Variants in SZT2 observed in about 807,000 individuals in gnomAD.
The protein encoded by SZT2 is KICSTOR complex protein SZT2.
In SZT2, 216 loss-of-function variants were observed where a neutral mutation model predicts 404.2. That is an observed-to-expected ratio of 0.53 (90% CI 0.48 to 0.60). The LOEUF is 0.60. Ranked by LOEUF, SZT2 falls within the 20% of genes least tolerant of loss-of-function variation. The pLI is 0.00. For missense variants in SZT2, 3,857 were observed against 4,459.2 expected, an observed-to-expected ratio of 0.86 and a Z score of 3.85; for synonymous variants, 1,693 against 1,749.9, an observed-to-expected ratio of 0.97 and a Z score of 0.81.
At chr1:43,398,497 T>C (rs932733205) in intron 1 of SZT2, among the ~76,000 whole-genome samples, 2 of 152,180 alleles carry the variant, frequency 1.3e-5, no homozygotes, top group Admixed American at 6.5e-5. Context: ...TTGTACATGC[T>C]TTTTTAGATA....
Position 43,425,685 on chromosome 1 carries a change from TG to T in SZT2, c.2814+47del, listed in dbSNP as rs1188160048. On this transcript the variant is annotated intron_variant, in intron 19 of 71. Coordinates refer to ENST00000634258, the MANE Select transcript of SZT2 (RefSeq NM_001365999.1). The surrounding 1 kb of genome is among the most constrained non-coding windows in gnomAD (Gnocchi z 4.3). ...AGTACCCGCACCTCTCTCACTGGAT[TG>T]GGGTGCCATCTCTTTTGGAGTACTG... is the stretch of plus-strand genomic sequence containing the variant. 2 of 1,608,110 alleles carry T rather than the reference TG, an allele frequency of 1.2e-6. No homozygotes were observed. Among genetic ancestry groups the T allele is most frequent in the South Asian group, 2.2e-5 (2 of 90,862 alleles).
intron 42 of SZT2, 90 bp downstream of exon 42, chr1:43,435,419 C>G: frequency 6.8e-7 from 1 of 1,466,970 alleles, no homozygotes; most frequent in Non-Finnish European, 9.2e-7. Flanking sequence ...GGGCAGAGTC[C>G]TCATTACTTG....
In SZT2 at chr1:43,438,966, T is replaced by C. The variant is rs1570702012; in HGVS notation, c.6665T>C (p.Leu2222Pro). Residue 2222 changes from leucine to proline, a missense_variant, in exon 48 of 72, where the codon CTG becomes CCG. Around this residue, in one of 7 missense-constraint regions of SZT2, gnomAD observed 261 missense variants for 372.9 expected, o/e 0.70. Coordinates refer to ENST00000634258, the MANE Select transcript of SZT2 (RefSeq NM_001365999.1). ...CCTGGAAGTCTCCCCTCAGAGGTGC[T>C]GCATCTGGCCCTACCCACCTCCTGC... ...QPPGSLPSEV[L>P]HLALPTSCRP... The C allele has an allele frequency of 6.2e-7, 1 of 1,614,112 alleles. No individual in the cohort carries two copies. Among genetic ancestry groups the C allele is most frequent in the African/African-American group, 1.3e-5 (1 of 74,932 alleles).
Position 43,451,680 on chromosome 1 carries a change from G to C in SZT2, c.*1200G>C, listed in dbSNP as rs756553934. On this transcript the variant is annotated 3_prime_UTR_variant, in exon 72 of 72. Transcript: ENST00000634258. Reference sequence around the variant, plus strand: ...GGGCAGGAACTCCCGGATGTTTCCTGTCAGGTTCCCATCCATGATCTGCCA... The same window carrying C: ...GGGCAGGAACTCCCGGATGTTTCCTCTCAGGTTCCCATCCATGATCTGCCA... 4.3e-6 allele frequency: 7 copies of C among 1,614,074 alleles called. No individual in the cohort carries two copies. Among genetic ancestry groups the C allele is most frequent in the South Asian group, 3.3e-5 (3 of 91,074 alleles).
chr1:43,453,738 C>G lies in SZT2; in HGVS notation c.*3258C>G. ...CGCGGCCCGCACCCGCGCGGGGAGG[C>G]CGGAGAGCTCGGGGAATAGCCAGGA... On this transcript the variant is annotated 3_prime_UTR_variant, in exon 72 of 72. Coordinates refer to ENST00000634258, the MANE Select transcript of SZT2 (RefSeq NM_001365999.1). 7.2e-7 allele frequency: 1 copy of G among 1,386,752 alleles called. No homozygotes were observed. The highest frequency in any genetic ancestry group is 2.6e-4 in the Middle Eastern group (1 of 3,870). The allele number at this position is 1,386,752 out of a possible 1,614,324, so 85.9% of individuals were successfully genotyped here.
At chr1:43,397,612 C>A (rs1649160456) in intron 1 of SZT2, among the ~76,000 whole-genome samples, 1 of 151,540 alleles carries the variant, frequency 6.6e-6, no homozygotes, top group Admixed American at 6.6e-5. Context: ...ACTGCAGCCT[C>A]CACCTCCTGG....
chr1:43,402,652 A>C (rs1243777791), intron 1 of SZT2, among the ~76,000 whole-genome samples: 2 of 152,230 alleles, frequency 1.3e-5, no homozygotes, highest in Non-Finnish European at 2.9e-5. Flanking sequence ...TAGAGGGCTG[A>C]CAACTGAGAA....
At position 43,394,122 on chromosome 1, in the gene SZT2, A is replaced by G. The variant is rs1648715652; in HGVS notation, c.27+4127A>G. The G allele has an allele frequency of 3.1e-6, 3 of 980,590 alleles. No homozygotes were observed. In the South Asian group the frequency reaches 1.4e-4, roughly 46 times the overall value. The allele number at this position is 980,590 out of a possible 1,614,324, so 60.7% of individuals were successfully genotyped here. A position where few individuals can be genotyped will look rare whatever the true frequency, so the allele number is the denominator to read the frequency against. On this transcript the variant is annotated intron_variant, in intron 1 of 71. Coordinates refer to ENST00000634258, the MANE Select transcript of SZT2 (RefSeq NM_001365999.1). ...TCCATGTGAGTGTGGATGCTCTGAG[A>G]ACTAATTCAGGGATTCTCAAATGTT...
At chr1:43,421,099 C>T (rs924932484) in intron 10 of SZT2, 75 bp from the exon 11 acceptor site, 5 of 1,596,006 alleles carry the variant, frequency 3.1e-6, no homozygotes, top group Admixed American at 1.7e-5. Flanking sequence ...TCCAGGGTCC[C>T]ATGTCCCCCT....
intron 2 of SZT2, 117 bp from the exon 3 acceptor site, chr1:43,403,484 C>T (rs555650301): frequency 3.4e-4 from 472 of 1,408,276 alleles, no homozygotes; most frequent in Non-Finnish European, 4.3e-4. Context: ...GAAGAGTATA[C>T]GGTTAGATTG....
intron 40 of SZT2, 42 bp from the exon 41 acceptor site, chr1:43,434,344 C>A: frequency 6.6e-7 from 1 of 1,519,442 alleles, no homozygotes; most frequent in Non-Finnish European, 9.0e-7. Flanking sequence ...ACATATAACT[C>A]CTCCCCACTG....
chr1:43,451,374 C>A lies in SZT2; in HGVS notation c.*894C>A, dbSNP rs769154500. The A allele has an allele frequency of 8.1e-5, 131 of 1,611,796 alleles. No individual in the cohort carries two copies. Among genetic ancestry groups the A allele is most frequent in the South Asian group, 6.5e-4 (59 of 91,088 alleles). ...AGGAGAAAACAGCCCCTGTCCGGGT[C>A]CCTCCAGAGCTCCCTTCCCCAGGGC... On this transcript the variant is annotated 3_prime_UTR_variant, in exon 72 of 72. Coordinates refer to ENST00000634258, the MANE Select transcript of SZT2 (RefSeq NM_001365999.1).
At position 43,453,867 on chromosome 1, in the gene SZT2, G is replaced by GCGGGCGGC; in HGVS notation, c.*3387_*3388insCGGGCGGC. On this transcript the variant is annotated 3_prime_UTR_variant, in exon 72 of 72. Coordinates refer to ENST00000634258, the MANE Select transcript of SZT2 (RefSeq NM_001365999.1). ...GGCGGCGGGCGGCGGGCGGCGGGCG[G>GCGGGCGGC]GGGCGGGGCTCTCCTTGCTGGCCCT... 7 of 1,226,840 alleles carry GCGGGCGGC rather than the reference G, an allele frequency of 5.7e-6. No homozygotes were observed. Among genetic ancestry groups the GCGGGCGGC allele is most frequent in the African/African-American group, 3.2e-5 (2 of 62,426 alleles). The allele number at this position is 1,226,840 out of a possible 1,614,324, so 76.0% of individuals were successfully genotyped here. A position where few individuals can be genotyped will look rare whatever the true frequency, so the allele number is the denominator to read the frequency against.
chr1:43,450,735 G>T lies in SZT2; in HGVS notation c.*255G>T. 2.9e-6 allele frequency: 2 copies of T among 698,602 alleles called. No individual in the cohort carries two copies. Among genetic ancestry groups the T allele is most frequent in the Non-Finnish European group, 5.1e-6 (2 of 389,474 alleles). The allele number at this position is 698,602 out of a possible 1,614,324, so 43.3% of individuals were successfully genotyped here. On this transcript the variant is annotated 3_prime_UTR_variant, in exon 72 of 72. Transcript: ENST00000634258. This position sits in a 1 kb window ranked among gnomAD's most constrained non-coding sequence, Gnocchi z 4.3. The stretch of plus-strand genomic sequence containing the variant: ...CAGGTCAACCCCGAGGACCCCTTGG[G>T]CCCTTCTGGGGTACTCCTTTCGGCC...
At chr1:43,399,373 T>C (rs1339325170) in intron 1 of SZT2, among the ~76,000 whole-genome samples, 1 of 152,144 alleles carries the variant, frequency 6.6e-6, no homozygotes, top group Non-Finnish European at 1.5e-5. Context: ...GAATGGCTAC[T>C]TTGAGTAGCT....
In SZT2 at chr1:43,440,569, AGCTTCTG is replaced by A. The variant is rs1654959379; in HGVS notation, c.7329_7335del (p.Ser2443ArgfsTer4). The stretch of plus-strand genomic sequence containing the variant: ...TCCACCCAGCAAAGCGGGCCGGCGT[AGCTTCTG>A]GGATATGCTGGTAATGGAAGAAGTG... On this transcript the variant is annotated frameshift_variant, in exon 52 of 72. Transcript: ENST00000634258. LOFTEE classifies it high-confidence loss of function. 6.3e-7 allele frequency: 1 copy of A among 1,598,836 alleles called. No individual in the cohort carries two copies. Among genetic ancestry groups the A allele is most frequent in the Admixed American group, 1.8e-5 (1 of 56,950 alleles).
intron 7 of SZT2, among the ~76,000 whole-genome samples, chr1:43,417,652 G>A (rs1354136064): frequency 6.6e-6 from 1 of 152,216 alleles, no homozygotes; most frequent in Non-Finnish European, 1.5e-5. Flanking sequence ...ATCTCACTGG[G>A]AGGTGAGATG....
Position 43,442,048 on chromosome 1 carries a change from C to T in SZT2, c.7791C>T (p.Gly2597=). ...GCCCTTGTTCCCCTGGGCAACTGGG[C>T]CCCTCTCCCCGCCCTGCAGCTGAGC... ...IFGPCSPGQL[G]PSPRPAAERH... Residue 2597 remains glycine (G), a synonymous_variant, in exon 56 of 72, where the codon GGC becomes GGT. Transcript: ENST00000634258. This position sits in a 1 kb window ranked among gnomAD's most constrained non-coding sequence, Gnocchi z 4.5. 5 of 1,614,110 alleles carry T rather than the reference C, an allele frequency of 3.1e-6. No homozygotes were observed. Among genetic ancestry groups the T allele is most frequent in the Non-Finnish European group, 4.2e-6 (5 of 1,180,008 alleles).
At position 43,420,418 on chromosome 1, in the gene SZT2, T is replaced by C. The variant is rs1169758137; in HGVS notation, c.1261+95T>C. The stretch of plus-strand genomic sequence containing the variant: ...GTATCACACATGAAAGAGTGTCACA[T>C]TGAAGTCCTTATCACTTGAGACAGT... On this transcript the variant is annotated intron_variant, in intron 9 of 71. Coordinates refer to ENST00000634258, the MANE Select transcript of SZT2 (RefSeq NM_001365999.1). The surrounding 1 kb of genome is among the most constrained non-coding windows in gnomAD (Gnocchi z 5.1). 2.2e-6 allele frequency: 3 copies of C among 1,394,266 alleles called. No individual in the cohort carries two copies. Among genetic ancestry groups the C allele is most frequent in the African/African-American group, 1.4e-5 (1 of 69,480 alleles). The allele number at this position is 1,394,266 out of a possible 1,614,324, so 86.4% of individuals were successfully genotyped here. A position where few individuals can be genotyped will look rare whatever the true frequency, so the allele number is the denominator to read the frequency against.
Sources: allele counts gnomAD v4.1 joint callset (sites outside exome capture counted in the v4.1 genomes callset), GRCh38; gene constraint gnomAD v4.1.1; regional missense constraint gnomAD v4.1.1; non-coding constraint Gnocchi (gnomAD v3.1); transcripts MANE v1.5; gene names NCBI Gene and HGNC (gene_info 2026-07-23, HGNC 2026-07-21).